DPP6: variants seen among roughly 807,000 people sequenced by gnomAD.
The protein encoded by DPP6 is dipeptidyl peptidase like 6.
Under a neutral mutation model 122.6 loss-of-function variants are expected in DPP6, and 69 were observed. The observed-to-expected ratio is 0.56, with a 90% CI of 0.46 to 0.69. DPP6 has a LOEUF of 0.69. Among genes scored for constraint, DPP6 ranks in the 30% least tolerant of loss-of-function variants. The pLI is 0.00. For missense variants in DPP6, 928 were observed against 1,116.9 expected, an observed-to-expected ratio of 0.83 and a Z score of 2.41; for synonymous variants, 418 against 433.1, an observed-to-expected ratio of 0.97 and a Z score of 0.43.
At chr7:154,648,996 C>T (rs1366667851) in intron 6 of DPP6, among the ~76,000 whole-genome samples, 1 of 152,052 alleles carries the variant, frequency 6.6e-6, no homozygotes, top group Non-Finnish European at 1.5e-5. Context: ...ATGACATAAG[C>T]TCCCCACAAG....
At chr7:154,274,118 G>C (rs1354323649) in intron 1 of DPP6, among the ~76,000 whole-genome samples, 3 of 152,292 alleles carry the variant, frequency 2.0e-5, no homozygotes, top group Non-Finnish European at 4.4e-5. Flanking sequence ...GAGGAGTCCT[G>C]AGAAATTGAG....
rs1820944338 is a variant in DPP6, at chr7:154,457,983, AAAAAG to A, written c.358+11658_358+11662del. Among the ~76,000 whole-genome samples, 2 of 19,120 alleles carry A rather than the reference AAAAAG, an allele frequency of 1.0e-4. 1 individual carries two copies. The highest frequency in any genetic ancestry group is 1.6e-3 in the Admixed American group (2 of 1,290). The allele number at this position is 19,120 out of a possible 152,430, so 12.5% of individuals were successfully genotyped here. On this transcript the variant is annotated intron_variant, in intron 2 of 25. Transcript: ENST00000377770. ...AACTTAGAGTATAATAAAAAAAAAA[AAAAAG>A]AAGGAAATAGAGGGAGATTTGACAC...
intron 1 of DPP6, among the ~76,000 whole-genome samples, chr7:154,220,652 G>A (rs1364989198): frequency 6.6e-6 from 1 of 152,208 alleles, no homozygotes; most frequent in African/African-American, 2.4e-5. Flanking sequence ...AAGACATGGA[G>A]ACTGTTGGCA....
At chr7:153,838,486 T>C in the DPP6 span, among the ~76,000 whole-genome samples, 1 of 152,148 alleles carries the variant, frequency 6.6e-6, no homozygotes, top group Non-Finnish European at 1.5e-5. Context: ...GTGAGAATTG[T>C]GTTACCATGT....
intron 1 of DPP6, among the ~76,000 whole-genome samples, chr7:154,083,378 T>G (rs1011142762): frequency 1.3e-5 from 2 of 152,000 alleles, no homozygotes; most frequent in African/African-American, 4.8e-5. Context: ...CTCCTCTTAT[T>G]TATCTCTCTT....
At chr7:154,013,745 A>G (rs186010356) in intron 1 of DPP6, among the ~76,000 whole-genome samples, 18 of 152,040 alleles carry the variant, frequency 1.2e-4, no homozygotes, top group Non-Finnish European at 2.5e-4. Flanking sequence ...CTTGATTGGC[A>G]TGGAACTTGC....
the DPP6 span, among the ~76,000 whole-genome samples, chr7:153,823,933 T>TG: frequency 6.6e-6 from 1 of 152,186 alleles, no homozygotes. Flanking sequence ...AAGTCATTAA[T>TG]ATTTATAGGC....
At chr7:153,870,585 A>G in the DPP6 span, among the ~76,000 whole-genome samples, 2 of 152,118 alleles carry the variant, frequency 1.3e-5, no homozygotes, top group Non-Finnish European at 2.9e-5. Context: ...CTTCTTTGCC[A>G]TTGGTTCAAA....
At chr7:154,183,066 C>G (rs772892341) in intron 1 of DPP6, among the ~76,000 whole-genome samples, 1 of 152,094 alleles carries the variant, frequency 6.6e-6, no homozygotes, top group African/African-American at 2.4e-5. Flanking sequence ...ATTCACTTCC[C>G]GGATAAGGAT....
intron 1 of DPP6, among the ~76,000 whole-genome samples, chr7:153,892,545 G>A (rs754575613): frequency 1.9e-4 from 29 of 152,062 alleles, no homozygotes; most frequent in Non-Finnish European, 3.7e-4. Context: ...AACTCCTGAC[G>A]TCAGGTGGTC....
chr7:153,907,867 C>T (rs1297153206), intron 1 of DPP6, among the ~76,000 whole-genome samples: 3 of 152,198 alleles, frequency 2.0e-5, no homozygotes, highest in Non-Finnish European at 2.9e-5. Context: ...CCTTCTGTTT[C>T]TCCTGGGAAC....
chr7:154,440,243 G>A (rs1008875338), intron 1 of DPP6, among the ~76,000 whole-genome samples: 6 of 152,202 alleles, frequency 3.9e-5, no homozygotes, highest in Admixed American at 6.5e-5. Context: ...CTTTCTGAAA[G>A]GGCTGCTCAG....
upstream of DPP6, among the ~76,000 whole-genome samples, chr7:153,886,558 AG>A (rs1412347955): frequency 6.6e-6 from 1 of 152,142 alleles, no homozygotes; most frequent in Non-Finnish European, 1.5e-5. Flanking sequence ...GGAGGCCCGG[AG>A]GGAAGTGGAG....
At chr7:154,886,830 T>G (rs1423497022) in intron 22 of DPP6, among the ~76,000 whole-genome samples, 1 of 152,194 alleles carries the variant, frequency 6.6e-6, no homozygotes, top group East Asian at 1.9e-4. Flanking sequence ...CCCAGCAGCC[T>G]CCTGGCTGGT....
At chr7:154,210,104 A>G (rs994076277) in intron 1 of DPP6, among the ~76,000 whole-genome samples, 1 of 152,170 alleles carries the variant, frequency 6.6e-6, no homozygotes, top group South Asian at 2.1e-4. Flanking sequence ...CATTTGTTGG[A>G]AGAAAGGGAT....
At chr7:154,859,413 A>G (rs139308773) in intron 17 of DPP6, among the ~76,000 whole-genome samples, 1,596 of 152,350 alleles carry the variant, frequency 0.01, 14 homozygotes, top group Middle Eastern at 0.024. Context: ...GTTACAGGGC[A>G]GAGCCTCGGC....
chr7:153,810,651 G>A, the DPP6 span, among the ~76,000 whole-genome samples: 1 of 135,598 alleles, frequency 7.4e-6, no homozygotes. Flanking sequence ...AATCCAAATC[G>A]CTCCCTCTCC....
chr7:153,845,006 A>G, the DPP6 span, among the ~76,000 whole-genome samples: 2 of 152,182 alleles, frequency 1.3e-5, no homozygotes, highest in Admixed American at 6.5e-5. Flanking sequence ...TTTTTGAATT[A>G]AAAAGTAGGA....
At chr7:154,412,044 A>G (rs1279101662) in intron 1 of DPP6, among the ~76,000 whole-genome samples, 1 of 152,024 alleles carries the variant, frequency 6.6e-6, no homozygotes, top group Non-Finnish European at 1.5e-5. Context: ...CTGAGGGGTC[A>G]CTCTCCAACT....
Sources: allele counts gnomAD v4.1 joint callset (sites outside exome capture counted in the v4.1 genomes callset), GRCh38; gene constraint gnomAD v4.1.1; transcripts MANE v1.5; gene names NCBI Gene and HGNC (gene_info 2026-07-23, HGNC 2026-07-21).